The following PAK1 variants were observed in gnomAD, a reference collection of about 807,000 sequenced individuals.
PAK1 encodes the protein p21 (RAC1) activated kinase 1, also known as serine/threonine-protein kinase PAK 1.
A neutral mutation model predicts 67.4 loss-of-function variants in PAK1; 29 were observed. The observed-to-expected ratio is 0.43, with a 90% CI of 0.32 to 0.59. The LOEUF (loss-of-function observed/expected upper bound fraction) is 0.59, where lower values mean the gene tolerates loss of function less well. Ranked by LOEUF, PAK1 falls within the 20% of genes least tolerant of loss-of-function variation. PAK1 has a pLI of 0.07. For synonymous variants in PAK1, 223 were observed against 237.4 expected (o/e 0.94, Z 0.56); for missense variants, 337 against 670.7 (o/e 0.50, Z 5.50).
the PAK1 span, among the ~76,000 whole-genome samples, chr11:77,524,108 T>G: frequency 2.6e-5 from 4 of 152,218 alleles, no homozygotes; most frequent in Non-Finnish European, 5.9e-5. Context: ...AATAAACGCA[T>G]ATTATTTATG....
At chr11:77,390,299 A>G (rs900790081) in intron 2 of PAK1, among the ~76,000 whole-genome samples, 1 of 152,184 alleles carries the variant, frequency 6.6e-6, no homozygotes, top group Non-Finnish European at 1.5e-5. Flanking sequence ...TCCCGGGTTC[A>G]AGTGATACTC....
At chr11:77,332,924 C>G in intron 13 of PAK1, 57 bp from the exon 14 acceptor site, 1 of 1,543,870 alleles carries the variant, frequency 6.5e-7, no homozygotes. Flanking sequence ...CTCTTGTTCC[C>G]CATATACAAG....
chr11:77,490,296 C>T, the PAK1 span, among the ~76,000 whole-genome samples: 1 of 149,144 alleles, frequency 6.7e-6, no homozygotes, highest in African/African-American at 2.5e-5. Context: ...GTCAGCCCCC[C>T]CACCCGGCCA....
intron 1 of PAK1, among the ~76,000 whole-genome samples, chr11:77,409,140 C>T (rs1004320208): frequency 6.6e-6 from 1 of 151,908 alleles, no homozygotes; most frequent in Non-Finnish European, 1.5e-5. Context: ...GGCATGCTGA[C>T]ATGTGCCTGC....
intron 11 of PAK1, among the ~76,000 whole-genome samples, chr11:77,338,688 T>C (rs1943113203): frequency 6.6e-6 from 1 of 152,152 alleles, no homozygotes; most frequent in Non-Finnish European, 1.5e-5. Context: ...TTATTTTTTA[T>C]AACAGCCGAA....
chr11:77,459,691 T>TTCTTC (rs1491148517), intron 1 of PAK1, among the ~76,000 whole-genome samples: 21,322 of 113,390 alleles, frequency 0.19, 1,556 homozygotes, highest in Middle Eastern at 0.25. Flanking sequence ...CTTCTTCTTC[T>TTCTTC]TTTTTTTTTT....
chr11:77,470,568 C>T (rs973045213), intron 1 of PAK1, among the ~76,000 whole-genome samples: 1 of 152,106 alleles, frequency 6.6e-6, no homozygotes, highest in African/African-American at 2.4e-5. Flanking sequence ...AAGGAGAAAA[C>T]TGGGCATGGT....
intron 1 of PAK1, among the ~76,000 whole-genome samples, chr11:77,460,056 C>T (rs1438825033): frequency 7.3e-5 from 11 of 150,622 alleles, no homozygotes; most frequent in Admixed American, 7.3e-4. Flanking sequence ...TATTTGTTTA[C>T]TGAATGAGAA....
intron 13 of PAK1, among the ~76,000 whole-genome samples, chr11:77,333,196 T>TC (rs201084684): frequency 4.3e-4 from 57 of 131,336 alleles, no homozygotes; most frequent in African/African-American, 1.4e-3. Flanking sequence ...TTCTTCTTCT[T>TC]TTTTTTTTTT....
the PAK1 span, among the ~76,000 whole-genome samples, chr11:77,483,415 A>C: frequency 5.9e-5 from 9 of 152,196 alleles, no homozygotes; most frequent in Non-Finnish European, 1.0e-4. Flanking sequence ...AAAATTTAGC[A>C]CACCAGTCTA....
intron 14 of PAK1, among the ~76,000 whole-genome samples, chr11:77,328,359 C>T (rs1361852795): frequency 6.6e-6 from 1 of 152,078 alleles, no homozygotes; most frequent in African/African-American, 2.4e-5. Context: ...ACCACACCTA[C>T]TCCAAAATTG....
intron 1 of PAK1, among the ~76,000 whole-genome samples, chr11:77,433,567 C>A (rs990072386): frequency 2.7e-4 from 41 of 152,130 alleles, no homozygotes; most frequent in African/African-American, 9.7e-4. Context: ...ATCATGAGGT[C>A]AGGAGATCAA....
chr11:77,510,413 T>C, the PAK1 span, among the ~76,000 whole-genome samples: 1 of 152,232 alleles, frequency 6.6e-6, no homozygotes, highest in Non-Finnish European at 1.5e-5. Context: ...GTACTTTTAG[T>C]AGAGACGGGG....
intron 5 of PAK1, among the ~76,000 whole-genome samples, chr11:77,371,855 G>C (rs1460300018): frequency 5.3e-5 from 8 of 152,148 alleles, no homozygotes; most frequent in Non-Finnish European, 1.2e-4. Context: ...CTGCCATATG[G>C]CATGAACCCC....
chr11:77,330,604 C>T (rs1849826987), intron 14 of PAK1, among the ~76,000 whole-genome samples: 1 of 152,174 alleles, frequency 6.6e-6, no homozygotes, highest in South Asian at 2.1e-4. Flanking sequence ...GAAACTGGAT[C>T]CCTTCCTTAC....
intron 1 of PAK1, among the ~76,000 whole-genome samples, chr11:77,423,402 T>TACACACACACAC (rs5792767): frequency 4.4e-5 from 6 of 137,022 alleles, no homozygotes; most frequent in South Asian, 2.4e-4. Context: ...TGCTTTCAAA[T>TACACACACACAC]ACACACACAC....
At chr11:77,464,424 A>G (rs1957498403) in intron 1 of PAK1, among the ~76,000 whole-genome samples, 2 of 152,216 alleles carry the variant, frequency 1.3e-5, no homozygotes, top group African/African-American at 2.4e-5. Flanking sequence ...GTCCACTTGT[A>G]TATCTACTTA....
At chr11:77,482,870 T>C in the PAK1 span, among the ~76,000 whole-genome samples, 192 of 152,192 alleles carry the variant, frequency 1.3e-3, no homozygotes, top group African/African-American at 4.4e-3. Context: ...ACTCCCAAAG[T>C]GCTAAGATTA....
chr11:77,358,821 AG>A (rs1167668363), intron 6 of PAK1, 76 bp downstream of exon 6: 1 of 1,415,524 alleles, frequency 7.1e-7, no homozygotes, highest in African/African-American at 1.4e-5. Flanking sequence ...TTAAACTTCT[AG>A]GTATCAGCAC....
Sources: allele counts gnomAD v4.1 joint callset (sites outside exome capture counted in the v4.1 genomes callset), GRCh38; gene constraint gnomAD v4.1.1; transcripts MANE v1.5; gene names NCBI Gene and HGNC (gene_info 2026-07-23, HGNC 2026-07-21).